Variants in SMC3 observed in about 807,000 individuals in gnomAD.
SMC3 encodes structural maintenance of chromosomes protein 3.
In SMC3, 20 loss-of-function variants were observed where a neutral mutation model predicts 171.8. That is an observed-to-expected ratio of 0.12 (90% CI 0.08 to 0.17). The LOEUF is 0.17. SMC3 is among the 10% of genes least tolerant of loss of function. SMC3 has a pLI of 1.00. For synonymous variants in SMC3, 464 were observed against 451.1 expected, an observed-to-expected ratio of 1.03 and a Z score of -0.36; for missense variants, 543 against 1,420.4, an observed-to-expected ratio of 0.38 and a Z score of 9.93.
At chr10:110,576,516 A>G (rs1206997621) in intron 4 of SMC3, among the ~76,000 whole-genome samples, 1 of 152,226 alleles carries the variant, frequency 6.6e-6, no homozygotes, top group African/African-American at 2.4e-5. Context: ...AAATCATGAA[A>G]GACTACAATA....
At chr10:110,595,936 T>TTTG (rs1352724722) in intron 18 of SMC3, among the ~76,000 whole-genome samples, 1 of 148,526 alleles carries the variant, frequency 6.7e-6, no homozygotes, top group Non-Finnish European at 1.5e-5. Context: ...TTTTTTTTTT[T>TTTG]TTTAAAGACT....
At chr10:110,602,223 G>C in intron 25 of SMC3, 45 bp downstream of exon 25, 1 of 1,509,072 alleles carries the variant, frequency 6.6e-7, no homozygotes, top group East Asian at 2.3e-5. Context: ...GAGGACAAAA[G>C]CTTCCAGCTC....
chr10:110,581,349 G>T (rs1002425900), intron 8 of SMC3, among the ~76,000 whole-genome samples: 8 of 151,544 alleles, frequency 5.3e-5, no homozygotes, highest in African/African-American at 1.9e-4. Flanking sequence ...TCCCTGAGTA[G>T]CTGGGATTAC....
chr10:110,577,903 G>A lies in SMC3; in HGVS notation c.339G>A (p.Lys113=). The A allele has an allele frequency of 6.2e-7, 1 of 1,609,002 alleles. No homozygotes were observed. The highest frequency in any genetic ancestry group is 8.5e-7 in the Non-Finnish European group (1 of 1,175,564). ...GAKKDQYFLD[K]KMVTKNDVMN... ...AAAAGGATCAGTATTTCTTAGACAA[G>A]AAGATGGTCACGTAAGCATTTTTCT... The change falls in exon 6 of 29, where the codon AAG becomes AAA. Residue 113 remains lysine (K), a synonymous_variant. Coordinates refer to ENST00000361804, the MANE Select transcript of SMC3 (RefSeq NM_005445.4).
At chr10:110,586,839 TAG>T (rs1385575369) in intron 13 of SMC3, among the ~76,000 whole-genome samples, 3 of 152,146 alleles carry the variant, frequency 2.0e-5, no homozygotes, top group Non-Finnish European at 4.4e-5. Flanking sequence ...TGTATTTTAG[TAG>T]AGACAGGGTT....
At position 110,596,570 on chromosome 10, in the gene SMC3, A is replaced by T; in HGVS notation, c.2116+20A>T. 1 of 1,609,290 alleles carries T rather than the reference A, an allele frequency of 6.2e-7. No homozygotes were observed. Among genetic ancestry groups the T allele is most frequent in the Non-Finnish European group, 8.5e-7 (1 of 1,176,110 alleles). On this transcript the variant is annotated intron_variant, in intron 19 of 28. Transcript: ENST00000361804. ...TTGAAAATATCTTTTTGTTTTGTGC[A>T]TAGTGATAGATATTGTGGGGGAAGA...
intron 20 of SMC3, 40 bp downstream of exon 20, chr10:110,598,330 GATT>G: frequency 1.3e-6 from 2 of 1,576,898 alleles, no homozygotes; most frequent in Non-Finnish European, 1.7e-6. Context: ...GATTGTTACA[GATT>G]AATAATATGG....
rs374989858 is a variant in SMC3, at chr10:110,571,056, CT to C, written c.91+2044del. Among the ~76,000 whole-genome samples the C allele has an allele frequency of 2.9e-3, 437 of 152,226 alleles. 4 individuals are homozygous for C. Among genetic ancestry groups the C allele is most frequent in the African/African-American group, 1.0e-2 (415 of 41,526 alleles). On this transcript the variant is annotated intron_variant, in intron 2 of 28. Transcript: ENST00000361804. ...TACGTTTTTAGGGATTTTTTTCCCC[CT>C]AACCTTTAACAAAAGAAATACATGT...
At chr10:110,598,362 A>G (rs1216698681) in intron 20 of SMC3, 72 bp downstream of exon 20, 2 of 1,420,554 alleles carry the variant, frequency 1.4e-6, no homozygotes, top group Non-Finnish European at 2.0e-6. Flanking sequence ...ATCATACATT[A>G]TATGGGTTAT....
intron 18 of SMC3, among the ~76,000 whole-genome samples, chr10:110,594,602 A>G (rs1358948749): frequency 6.6e-6 from 1 of 152,110 alleles, no homozygotes; most frequent in Non-Finnish European, 1.5e-5. Flanking sequence ...GATCTTCTGA[A>G]TTTTATCTTT....
chr10:110,573,084 A>G (rs1280527416), intron 2 of SMC3, among the ~76,000 whole-genome samples: 1 of 152,156 alleles, frequency 6.6e-6, no homozygotes, highest in African/African-American at 2.4e-5. Flanking sequence ...TTTGCTCAGG[A>G]TATTTCTGGC....
At position 110,598,265 on chromosome 10, in the gene SMC3, A is replaced by C; in HGVS notation, c.2243A>C (p.Gln748Pro). 6.2e-7 allele frequency: 1 copy of C among 1,614,052 alleles called. No homozygotes were observed. The highest frequency in any genetic ancestry group is 8.5e-7 in the Non-Finnish European group (1 of 1,179,962). Residue 748 changes from glutamine to proline, a missense_variant, in exon 20 of 29, where the codon CAG becomes CCG. Physicochemically the swap from Gln to Pro is moderately conservative, Grantham distance 76. Coordinates refer to ENST00000361804, the MANE Select transcript of SMC3 (RefSeq NM_005445.4). ...EMKMLKEKRQ[Q>P]SEKTFMPKQR... ...AAGATGCTAAAAGAGAAGAGGCAGCAGTCAGAGAAAACCTTCATGCCTAAG... is the reference window on the plus strand; with the variant it reads ...AAGATGCTAAAAGAGAAGAGGCAGCCGTCAGAGAAAACCTTCATGCCTAAG...
Position 110,605,660 on chromosome 10 carries a change from T to TA in SMC3, c.*1360dup, listed in dbSNP as rs573953392. ...TTATTTATACTTTGTAGCTTTGCTATAACATAACTGATCTATAATAGAGAA... is the reference window on the plus strand; with the variant it reads ...TTATTTATACTTTGTAGCTTTGCTATAAACATAACTGATCTATAATAGAGAA... On this transcript the variant is annotated 3_prime_UTR_variant, in exon 29 of 29. Coordinates refer to ENST00000361804, the MANE Select transcript of SMC3 (RefSeq NM_005445.4). Among the ~76,000 whole-genome samples the TA allele has an allele frequency of 4.3e-3, 662 of 152,364 alleles. 8 individuals are homozygous for TA. Among genetic ancestry groups the TA allele is most frequent in the African/African-American group, 0.015 (621 of 41,592 alleles).
In SMC3 at chr10:110,568,806, A is replaced by G. The variant is rs891346363; in HGVS notation, c.16-132A>G. ...AGCAGATTTTTAATCACCACTTTCC[A>G]AAATGAATTTTTCTTATATGAAATT... On this transcript the variant is annotated intron_variant, in intron 1 of 28. Coordinates refer to ENST00000361804, the MANE Select transcript of SMC3 (RefSeq NM_005445.4). 6 of 650,804 alleles carry G rather than the reference A, an allele frequency of 9.2e-6. No individual in the cohort carries two copies. In the African/African-American group the frequency reaches 9.3e-5, roughly 10 times the overall value. The allele number at this position is 650,804 out of a possible 1,614,324, so 40.3% of individuals were successfully genotyped here. A position where few individuals can be genotyped will look rare whatever the true frequency, so the allele number is the denominator to read the frequency against.
chr10:110,574,758 C>G (rs1349872189), intron 3 of SMC3, among the ~76,000 whole-genome samples: 1 of 152,172 alleles, frequency 6.6e-6, no homozygotes, highest in Non-Finnish European at 1.5e-5. Context: ...TAAAGAGTTC[C>G]ACTTCCTAGG....
chr10:110,578,447 A>G (rs768077456), intron 6 of SMC3, among the ~76,000 whole-genome samples, 181 bp from the exon 7 acceptor site: 1 of 152,228 alleles, frequency 6.6e-6, no homozygotes, highest in Non-Finnish European at 1.5e-5. Flanking sequence ...TATTTGCTTC[A>G]TCTTCAACAA....
At chr10:110,601,572 T>G in intron 23 of SMC3, 65 bp from the exon 24 acceptor site, 1 of 1,525,254 alleles carries the variant, frequency 6.6e-7, no homozygotes, top group Non-Finnish European at 8.9e-7. Flanking sequence ...CATAAAAATC[T>G]ATACTCAACA....
At chr10:110,599,390 C>T (rs529273237) in intron 20 of SMC3, among the ~76,000 whole-genome samples, 7 of 152,280 alleles carry the variant, frequency 4.6e-5, no homozygotes, top group African/African-American at 9.6e-5. Context: ...CCACTGCGCC[C>T]GGCAACTTTT....
chr10:110,571,393 C>G (rs920659371), intron 2 of SMC3, among the ~76,000 whole-genome samples: 19 of 152,112 alleles, frequency 1.2e-4, no homozygotes, highest in African/African-American at 4.3e-4. Context: ...CTTTGTGGAC[C>G]CACCATACCT....
Sources: gnomAD v4.1 joint callset for allele counts (sites outside exome capture counted in the v4.1 genomes callset) on GRCh38, gnomAD v4.1.1 for gene constraint, MANE v1.5 for transcripts, NCBI Gene and HGNC (gene_info 2026-07-23, HGNC 2026-07-21) for gene names.